The following FGF23 variants were observed in gnomAD, a reference collection of about 807,000 sequenced individuals.
The protein encoded by FGF23 is phosphatonin.
In FGF23, 8 loss-of-function variants were observed where a neutral mutation model predicts 9.0. That is an observed-to-expected ratio of 0.89 (90% confidence interval 0.52 to 1.60). The LOEUF (loss-of-function observed/expected upper bound fraction) is 1.60. Among genes scored for constraint, FGF23 ranks in the 40% most tolerant of loss-of-function variants. The probability of loss-of-function intolerance (pLI) is 0.00; values close to 1 mark genes in which losing one functional copy is unlikely to be tolerated. For missense variants in FGF23, 311 were observed against 344.3 expected (o/e 0.90, Z 0.77); for synonymous variants, 118 against 146.2 (o/e 0.81, Z 1.39).
At chr12:4,377,632 G>A (rs1191396090) in intron 1 of FGF23, among the ~76,000 whole-genome samples, 2 of 147,340 alleles carry the variant, frequency 1.4e-5, no homozygotes, top group Non-Finnish European at 3.0e-5. Flanking sequence ...GGGTTTCACT[G>A]TGTTAGCCAG....
At chr12:4,370,846 C>A (rs567271275) in intron 2 of FGF23, 63 bp from the exon 3 acceptor site, 8 of 1,339,486 alleles carry the variant, frequency 6.0e-6, no homozygotes, top group Non-Finnish European at 8.6e-6. Context: ...CTCCCCAGCT[C>A]CTCCTGGGGC....
rs577638491 is a variant in FGF23, at chr12:4,375,443, T to C, written c.212-2746A>G. 3.9e-5 allele frequency among the ~76,000 whole-genome samples: 6 copies of C among 152,298 alleles called. No homozygotes were observed. In the East Asian group the frequency reaches 9.7e-4, roughly 25 times the overall value. On this transcript the variant is annotated intron_variant, in intron 1 of 2. Transcript: ENST00000237837. ...AACAGTGTGAGCCAATGTGAAAGTTTAGAAAATGTGAGAGAGTCAGAGTTT... is the reference window on the plus strand; with the variant it reads ...AACAGTGTGAGCCAATGTGAAAGTTCAGAAAATGTGAGAGAGTCAGAGTTT...
chr12:4,370,314 G>C lies in FGF23; in HGVS notation c.*29C>G, dbSNP rs71534281. 1.8e-3 allele frequency: 2,958 copies of C among 1,601,622 alleles called. 20 individuals carry two copies. Among genetic ancestry groups the C allele is most frequent in the South Asian group, 7.2e-3 (650 of 90,890 alleles). On this transcript the variant is annotated 3_prime_UTR_variant, in exon 3 of 3. Transcript: ENST00000237837. ...GGAAGAGCTGCGTTTGCTGAGGGAT[G>C]GGTTAAAGAGGGTGCCCTTCCAGCG... is the stretch of plus-strand genomic sequence containing the variant.
chr12:4,370,221 A>G lies in FGF23; in HGVS notation c.*122T>C. On this transcript the variant is annotated 3_prime_UTR_variant, in exon 3 of 3. Coordinates refer to ENST00000237837, the MANE Select transcript of FGF23 (RefSeq NM_020638.3). ...CCTCCTGTGGAAGGGACCCCAGAGA[A>G]GCAGCAAATTCCATACATGCCCCTG... 2.0e-6 allele frequency: 2 copies of G among 1,010,598 alleles called. No homozygotes were observed. The highest frequency in any genetic ancestry group is 3.0e-6 in the Non-Finnish European group (2 of 659,712). The allele number at this position is 1,010,598 out of a possible 1,614,324, so 62.6% of individuals were successfully genotyped here.
At chr12:4,376,101 A>G (rs1374935843) in intron 1 of FGF23, among the ~76,000 whole-genome samples, 2 of 152,214 alleles carry the variant, frequency 1.3e-5, no homozygotes, top group African/African-American at 4.8e-5. Context: ...TACCAGGGAC[A>G]ATAAGCATCT....
intron 1 of FGF23, among the ~76,000 whole-genome samples, chr12:4,376,974 C>G (rs1865123205): frequency 6.6e-6 from 1 of 152,140 alleles, no homozygotes; most frequent in Non-Finnish European, 1.5e-5. Flanking sequence ...AAGTTCCCCT[C>G]CCCGCATTCA....
chr12:4,371,276 C>T (rs1459598408), intron 2 of FGF23, among the ~76,000 whole-genome samples: 1 of 152,180 alleles, frequency 6.6e-6, no homozygotes, highest in Non-Finnish European at 1.5e-5. Context: ...TACTGAGTGC[C>T]CCACGAAGGC....
Position 4,379,640 on chromosome 12 carries a change from T to C in FGF23, c.-58A>G. On this transcript the variant is annotated 5_prime_UTR_variant, in exon 1 of 3. Transcript: ENST00000237837. ...TGAAACCTGACACTCCTGTCGGGAC[T>C]CTCCTGGCCCAGGCCTTACTGGCCT... 6.9e-7 allele frequency: 1 copy of C among 1,445,744 alleles called. No homozygotes were observed. Among genetic ancestry groups the C allele is most frequent in the Non-Finnish European group, 9.4e-7 (1 of 1,060,608 alleles). 89.6% of individuals were successfully genotyped at this position (1,445,744 alleles called of 1,614,324 possible).
At position 4,368,489 on chromosome 12, in the gene FGF23, A is replaced by C. The variant is rs2120725438; in HGVS notation, c.*1854T>G. 1 of 183,144 alleles carries C rather than the reference A, an allele frequency of 5.5e-6. No homozygotes were observed. The highest frequency in any genetic ancestry group is 2.0e-4 in the South Asian group (1 of 5,062). 11.3% of individuals were successfully genotyped at this position (183,144 alleles called of 1,614,324 possible). A position where few individuals can be genotyped will look rare whatever the true frequency, so the allele number is the denominator to read the frequency against. On this transcript the variant is annotated 3_prime_UTR_variant, in exon 3 of 3. Coordinates refer to ENST00000237837, the MANE Select transcript of FGF23 (RefSeq NM_020638.3). ...ATTTTATTTTTATTTTAAACAGAAG[A>C]AAGGAAAAAGGGGTTACATTTTTAT... is the stretch of plus-strand genomic sequence containing the variant.
chr12:4,368,950 G>A lies in FGF23; in HGVS notation c.*1393C>T. 9.0e-6 allele frequency: 2 copies of A among 223,188 alleles called. No individual in the cohort carries two copies. Among genetic ancestry groups the A allele is most frequent in the Non-Finnish European group, 1.8e-5 (2 of 111,824 alleles). The allele number at this position is 223,188 out of a possible 1,614,324, so 13.8% of individuals were successfully genotyped here. A position where few individuals can be genotyped will look rare whatever the true frequency, so the allele number is the denominator to read the frequency against. On this transcript the variant is annotated 3_prime_UTR_variant, in exon 3 of 3. Transcript: ENST00000237837. ...TGTGATGGCAGTGAGAAAAAAAAAAGTGACTGGGAAGAAGCTGTTGTTGAA... is the reference window on the plus strand; with the variant it reads ...TGTGATGGCAGTGAGAAAAAAAAAAATGACTGGGAAGAAGCTGTTGTTGAA...
chr12:4,379,255 G>A, intron 1 of FGF23, 117 bp downstream of exon 1: 1 of 867,734 alleles, frequency 1.2e-6, no homozygotes, highest in East Asian at 2.4e-5. Context: ...AGTGGTTCCT[G>A]GGCAGAAAGC....
chr12:4,374,594 A>G (rs941203437), intron 1 of FGF23, among the ~76,000 whole-genome samples: 3 of 151,870 alleles, frequency 2.0e-5, no homozygotes, highest in Non-Finnish European at 4.4e-5. Flanking sequence ...AGCTAGCAGT[A>G]AGCCGAGATT....
chr12:4,377,874 C>T (rs1372959275), intron 1 of FGF23, among the ~76,000 whole-genome samples: 1 of 152,144 alleles, frequency 6.6e-6, no homozygotes, highest in Non-Finnish European at 1.5e-5. Context: ...AGTTTTCAGC[C>T]ACAGCGCTTG....
chr12:4,372,903 C>T (rs1865078876), intron 1 of FGF23, among the ~76,000 whole-genome samples: 1 of 152,196 alleles, frequency 6.6e-6, no homozygotes, highest in Non-Finnish European at 1.5e-5. Context: ...TACAGTCATT[C>T]ACCTCCTGCT....
At position 4,369,218 on chromosome 12, in the gene FGF23, C is replaced by T. The variant is rs930088907; in HGVS notation, c.*1125G>A. 1 of 231,500 alleles carries T rather than the reference C, an allele frequency of 4.3e-6. No individual in the cohort carries two copies. Among genetic ancestry groups the T allele is most frequent in the Non-Finnish European group, 8.5e-6 (1 of 117,056 alleles). The allele number at this position is 231,500 out of a possible 1,614,324, so 14.3% of individuals were successfully genotyped here. On this transcript the variant is annotated 3_prime_UTR_variant, in exon 3 of 3. Transcript: ENST00000237837. ...GAGCCTGACCATGTGGTTGTCTTTT[C>T]ATAACTTCTATAACATGTCCCCTGA...
rs11063112 is a variant in FGF23, at chr12:4,368,914, T to G, written c.*1429A>C. The G allele has an allele frequency of 4.5e-6, 1 of 221,908 alleles. No individual in the cohort carries two copies. The highest frequency in any genetic ancestry group is 9.0e-6 in the Non-Finnish European group (1 of 111,136). The allele number at this position is 221,908 out of a possible 1,614,324, so 13.7% of individuals were successfully genotyped here. A position where few individuals can be genotyped will look rare whatever the true frequency, so the allele number is the denominator to read the frequency against. ...TAACCAAAAAGAATAGATCAAAGTA[T>G]AAGGTTAGTATGTGATGGCAGTGAG... is the stretch of plus-strand genomic sequence containing the variant. On this transcript the variant is annotated 3_prime_UTR_variant, in exon 3 of 3. Transcript: ENST00000237837.
intron 1 of FGF23, among the ~76,000 whole-genome samples, chr12:4,373,310 C>T (rs998671677): frequency 6.6e-6 from 1 of 152,214 alleles, no homozygotes; most frequent in Non-Finnish European, 1.5e-5. Context: ...CTCATCTTTC[C>T]ATTCAAAATC....
Position 4,368,470 on chromosome 12 carries a change from TTTTTA to T in FGF23, c.*1868_*1872del, listed in dbSNP as rs1865028221. 5.5e-6 allele frequency: 1 copy of T among 183,090 alleles called. No individual in the cohort carries two copies. Among genetic ancestry groups the T allele is most frequent in the South Asian group, 2.0e-4 (1 of 5,086 alleles). 11.3% of individuals were successfully genotyped at this position (183,090 alleles called of 1,614,324 possible). A position where few individuals can be genotyped will look rare whatever the true frequency, so the allele number is the denominator to read the frequency against. ...CTAACAGAAGCTGAGATAAATTTTA[TTTTTA>T]TTTTAAACAGAAGAAAGGAAAAAGG... On this transcript the variant is annotated 3_prime_UTR_variant, in exon 3 of 3. Transcript: ENST00000237837.
rs1317385109 is a variant in FGF23, at chr12:4,370,128, G to GTTC, written c.*212_*214dup. The stretch of plus-strand genomic sequence containing the variant: ...GTTGGGGTTTCCTATTGGGAAAGGT[G>GTTC]TTCTATATGGAGTGAGGAAGGCGGT... On this transcript the variant is annotated 3_prime_UTR_variant, in exon 3 of 3. Coordinates refer to ENST00000237837, the MANE Select transcript of FGF23 (RefSeq NM_020638.3). 1.0e-5 allele frequency: 6 copies of GTTC among 581,784 alleles called. No homozygotes were observed. The highest frequency in any genetic ancestry group is 3.0e-5 in the Admixed American group (1 of 33,278). The allele number at this position is 581,784 out of a possible 1,614,324, so 36.0% of individuals were successfully genotyped here.
Sources: allele counts gnomAD v4.1 joint callset (sites outside exome capture counted in the v4.1 genomes callset), GRCh38; gene constraint gnomAD v4.1.1; transcripts MANE v1.5; gene names NCBI Gene and HGNC (gene_info 2026-07-23, HGNC 2026-07-21).